The following PRKACB variants were observed in gnomAD, a reference collection of about 807,000 sequenced individuals.
PRKACB encodes the protein protein kinase cAMP-activated catalytic subunit beta.
Under a neutral mutation model 51.4 loss-of-function variants are expected in PRKACB, and 16 were observed. That is an observed-to-expected ratio of 0.31 (90% CI 0.21 to 0.47). PRKACB has a LOEUF of 0.47. Among genes scored for constraint, PRKACB ranks in the 20% least tolerant of loss-of-function variants. The probability of loss-of-function intolerance (pLI) is 1.00; values close to 1 mark genes in which losing one functional copy is unlikely to be tolerated. For missense variants in PRKACB, 309 were observed against 464.5 expected (o/e 0.67, Z 3.08); for synonymous variants, 147 against 154.4 (o/e 0.95, Z 0.35).
intron 9 of PRKACB, among the ~76,000 whole-genome samples, chr1:84,230,581 ATTTGTTTGTATCTTCT>A (rs1340451762): frequency 6.6e-6 from 1 of 151,962 alleles, no homozygotes; most frequent in Non-Finnish European, 1.5e-5. Context: ...ATGTTCTTCC[ATTTGTTTGTATCTTCT>A]TTTATTTCCT....
chr1:84,182,786 T>TGC (rs148632899), intron 3 of PRKACB, among the ~76,000 whole-genome samples: 65,519 of 151,552 alleles, frequency 0.43, 15,758 homozygotes, highest in Non-Finnish European at 0.56. Context: ...CCTGGGCATT[T>TGC]TGGTTTCTGC....
chr1:84,192,397 C>G (rs1667055280), intron 5 of PRKACB, among the ~76,000 whole-genome samples: 1 of 152,048 alleles, frequency 6.6e-6, no homozygotes, highest in South Asian at 2.1e-4. Flanking sequence ...GTTGCCATTT[C>G]TTTTAGTATA....
Position 84,150,010 on chromosome 1 carries a change from A to G in PRKACB, c.187+5462A>G, listed in dbSNP as rs531922190. Among the ~76,000 whole-genome samples the G allele has an allele frequency of 5.9e-5, 9 of 152,276 alleles. No homozygotes were observed. The East Asian group carries it at 1.5e-3, about 26-fold the overall frequency. On this transcript the variant is annotated intron_variant, in intron 1 of 9. Transcript: ENST00000370685. ...CCAGGTGTGGTGGCTCACGCCTGTA[A>G]TCCCAGCACTTTGGGAGGCTGAGGT...
At chr1:84,156,865 T>C (rs1258317233) in intron 1 of PRKACB, among the ~76,000 whole-genome samples, 1 of 152,210 alleles carries the variant, frequency 6.6e-6, no homozygotes, top group Non-Finnish European at 1.5e-5. Context: ...AATTGTCCTC[T>C]TTAATCAGAT....
chr1:84,212,313 G>A (rs1227518967), intron 8 of PRKACB, among the ~76,000 whole-genome samples: 1 of 148,182 alleles, frequency 6.7e-6, no homozygotes, highest in South Asian at 2.1e-4. Flanking sequence ...TTATTCTGAT[G>A]TGCATGGGTC....
At chr1:84,084,914 A>G (rs1443815184) in intron 1 of PRKACB, among the ~76,000 whole-genome samples, 1 of 152,108 alleles carries the variant, frequency 6.6e-6, no homozygotes, top group Admixed American at 6.5e-5. Context: ...ATGGGGGAAA[A>G]TGCCCTTGGA....
rs1366407278 is a variant in PRKACB, at chr1:84,237,860, A to T, written c.*2555A>T. ...TTCAGGCTGGAAAACTATCAGTATG[A>T]TCTCAGCCTCAGTTCTCTTGTCTGT... On this transcript the variant is annotated 3_prime_UTR_variant, in exon 10 of 10. Coordinates refer to ENST00000370685, the MANE Select transcript of PRKACB (RefSeq NM_182948.4). 6.6e-6 allele frequency: 1 copy of T among 152,146 alleles called. No homozygotes were observed. The highest frequency in any genetic ancestry group is 1.5e-5 in the Non-Finnish European group (1 of 67,970). 9.4% of individuals were successfully genotyped at this position (152,146 alleles called of 1,614,324 possible).
At chr1:84,161,440 T>C (rs1656178755) in intron 1 of PRKACB, among the ~76,000 whole-genome samples, 1 of 151,932 alleles carries the variant, frequency 6.6e-6, no homozygotes, top group Non-Finnish European at 1.5e-5. Flanking sequence ...TTGATTTGTG[T>C]TTCTTCCATT....
At chr1:84,167,295 A>T (rs1657821674) in intron 1 of PRKACB, among the ~76,000 whole-genome samples, 1 of 151,630 alleles carries the variant, frequency 6.6e-6, no homozygotes, top group Admixed American at 6.6e-5. Context: ...TTGCCTTTAA[A>T]ATAAAAGTTA....
intron 2 of PRKACB, among the ~76,000 whole-genome samples, chr1:84,180,497 A>G (rs998557293): frequency 6.6e-6 from 1 of 151,734 alleles, no homozygotes; most frequent in Non-Finnish European, 1.5e-5. Context: ...GGATGCACCA[A>G]AATTTCACAA....
intron 1 of PRKACB, chr1:84,078,513 A>T: frequency 1.1e-6 from 1 of 929,760 alleles, no homozygotes; most frequent in Admixed American, 2.8e-5. Context: ...GGGCCGGGAG[A>T]CCAGCTGCCT....
intron 1 of PRKACB, chr1:84,164,334 C>T (rs1161992005): frequency 4.5e-6 from 7 of 1,545,352 alleles, no homozygotes; most frequent in Non-Finnish European, 6.1e-6. Context: ...GTGAGGTCCA[C>T]AGCTAGCAGT....
rs191055737 is a variant in PRKACB, at chr1:84,119,728, T to C, written c.46+41357T>C. Among the ~76,000 whole-genome samples the C allele has an allele frequency of 3.0e-4, 45 of 152,282 alleles. No homozygotes were observed. In the East Asian group the frequency reaches 6.4e-3, roughly 22 times the overall value. On this transcript the variant is annotated intron_variant, in intron 1 of 8. Transcript: ENST00000370688. ...GGCAAGAAGGAAATTGATGTGTTTA[T>C]ATGTACACACATACATAGGCACACA... is the stretch of plus-strand genomic sequence containing the variant.
At chr1:84,205,262 C>G in intron 8 of PRKACB, 1 of 984,044 alleles carries the variant, frequency 1.0e-6, no homozygotes, top group Non-Finnish European at 1.2e-6. Flanking sequence ...ATTGTATTAA[C>G]CATTTCCCAA....
At chr1:84,083,281 T>C (rs775022436) in intron 1 of PRKACB, among the ~76,000 whole-genome samples, 1 of 152,204 alleles carries the variant, frequency 6.6e-6, no homozygotes, top group African/African-American at 2.4e-5. Context: ...CAATCAGTTA[T>C]GCAATTTTGA....
chr1:84,205,853 A>G (rs968217184), intron 8 of PRKACB, among the ~76,000 whole-genome samples: 2 of 152,096 alleles, frequency 1.3e-5, no homozygotes, highest in East Asian at 1.9e-4. Context: ...TATTCATGCA[A>G]TGTTAAGGTT....
intron 1 of PRKACB, among the ~76,000 whole-genome samples, chr1:84,092,046 G>A (rs183911066): frequency 6.6e-6 from 1 of 152,204 alleles, no homozygotes; most frequent in African/African-American, 2.4e-5. Flanking sequence ...CTGTGTAGTA[G>A]AATTGAGAAA....
At chr1:84,212,711 A>G (rs149838563) in intron 8 of PRKACB, among the ~76,000 whole-genome samples, 1 of 152,204 alleles carries the variant, frequency 6.6e-6, no homozygotes, top group Non-Finnish European at 1.5e-5. Flanking sequence ...TCCAACTAGA[A>G]TGTAAGTTCC....
At chr1:84,096,581 C>A (rs919832494) in intron 1 of PRKACB, among the ~76,000 whole-genome samples, 23 of 152,112 alleles carry the variant, frequency 1.5e-4, no homozygotes, top group African/African-American at 5.1e-4. Flanking sequence ...AATCATTTCC[C>A]ATCTTTTCAG....
Sources: allele counts gnomAD v4.1 joint callset (sites outside exome capture counted in the v4.1 genomes callset), GRCh38; gene constraint gnomAD v4.1.1; transcripts MANE v1.5; gene names NCBI Gene and HGNC (gene_info 2026-07-23, HGNC 2026-07-21).